The following PDE6D variants were observed in gnomAD, a reference collection of about 807,000 sequenced individuals.
PDE6D encodes phosphodiesterase 6D, also known as retinal rod rhodopsin-sensitive cGMP 3',5'-cyclic phosphodiesterase subunit delta.
Under a neutral mutation model 21.9 loss-of-function variants are expected in PDE6D, and 10 were observed. The observed-to-expected ratio is 0.46, with a 90% confidence interval of 0.28 to 0.78. The LOEUF (loss-of-function observed/expected upper bound fraction) is 0.78, where lower values mean the gene tolerates loss of function less well. Among genes scored for constraint, PDE6D ranks in the 30% least tolerant of loss-of-function variants. PDE6D has a pLI of 0.12. For missense variants in PDE6D, 139 were observed against 184.8 expected, an observed-to-expected ratio of 0.75 and a Z score of 1.44; for synonymous variants, 59 against 63.5, an observed-to-expected ratio of 0.93 and a Z score of 0.34.
chr2:231,759,888 C>T (rs1344002575), intron 1 of PDE6D, among the ~76,000 whole-genome samples: 2 of 152,260 alleles, frequency 1.3e-5, no homozygotes, highest in East Asian at 1.9e-4. Flanking sequence ...TCCAGGCAGG[C>T]TAGAGACATA....
intron 1 of PDE6D, among the ~76,000 whole-genome samples, chr2:231,756,749 A>G (rs1199519840): frequency 6.6e-6 from 1 of 150,854 alleles, no homozygotes; most frequent in Non-Finnish European, 1.5e-5. Context: ...CCTAAACCAA[A>G]GATTCAAAGA....
At position 231,756,134 on chromosome 2, in the gene PDE6D, C is replaced by A. The variant is rs143386914; in HGVS notation, c.51-16946G>T. Reference sequence around the variant, plus strand: ...TCTTTTCTTTTCATTGTAAAGAGACCATTAGCAAAATTACTCTCTTCCCCT... The same window carrying A: ...TCTTTTCTTTTCATTGTAAAGAGACAATTAGCAAAATTACTCTCTTCCCCT... On this transcript the variant is annotated intron_variant, in intron 1 of 4. Coordinates refer to ENST00000287600, the MANE Select transcript of PDE6D (RefSeq NM_002601.4). Among the ~76,000 whole-genome samples the A allele has an allele frequency of 4.6e-3, 696 of 151,948 alleles. 8 individuals are homozygous for A. Among genetic ancestry groups the A allele is most frequent in the Middle Eastern group, 0.044 (13 of 294 alleles).
intron 1 of PDE6D, among the ~76,000 whole-genome samples, chr2:231,742,365 C>T (rs897742936): frequency 6.6e-6 from 1 of 152,158 alleles, no homozygotes; most frequent in African/African-American, 2.4e-5. Context: ...TCAGGTGATC[C>T]GCTTGCCTTG....
At chr2:231,749,075 A>T (rs2048817114) in intron 1 of PDE6D, among the ~76,000 whole-genome samples, 1 of 152,156 alleles carries the variant, frequency 6.6e-6, no homozygotes, top group South Asian at 2.1e-4. Flanking sequence ...CTGCGAGAAG[A>T]GGTCCACTCT....
At chr2:231,765,586 G>A (rs1489359803) in intron 1 of PDE6D, among the ~76,000 whole-genome samples, 1 of 152,166 alleles carries the variant, frequency 6.6e-6, no homozygotes, top group African/African-American at 2.4e-5. Flanking sequence ...ATATGCTAAT[G>A]TCTACTATGG....
intron 3 of PDE6D, 78 bp downstream of exon 3, chr2:231,737,935 C>T (rs1220796513): frequency 1.5e-6 from 2 of 1,361,434 alleles, no homozygotes; most frequent in African/African-American, 1.5e-5. Flanking sequence ...CAAAGCACTG[C>T]TTTAGTTCAC....
At chr2:231,748,776 G>A (rs964170991) in intron 1 of PDE6D, among the ~76,000 whole-genome samples, 3 of 152,216 alleles carry the variant, frequency 2.0e-5, no homozygotes, top group South Asian at 2.1e-4. Flanking sequence ...TGCTCCAGCC[G>A]TGGCTAAAAG....
chr2:231,773,260 A>G (rs544934673), intron 1 of PDE6D, among the ~76,000 whole-genome samples: 2 of 152,316 alleles, frequency 1.3e-5, no homozygotes, highest in Admixed American at 6.5e-5. Flanking sequence ...AAGATAATCA[A>G]TAGGACATTA....
chr2:231,732,850 G>A lies in PDE6D; in HGVS notation c.*102C>T. 1 of 763,488 alleles carries A rather than the reference G, an allele frequency of 1.3e-6. No homozygotes were observed. The highest frequency in any genetic ancestry group is 2.3e-6 in the Non-Finnish European group (1 of 431,972). 47.3% of individuals were successfully genotyped at this position (763,488 alleles called of 1,614,324 possible). A position where few individuals can be genotyped will look rare whatever the true frequency, so the allele number is the denominator to read the frequency against. On this transcript the variant is annotated 3_prime_UTR_variant, in exon 5 of 5. Transcript: ENST00000287600. ...GTAGGTTCTGCTGTTGAGGGAATTA[G>A]GGGTGTATGTGTCAAAAATCAAACG...
intron 1 of PDE6D, among the ~76,000 whole-genome samples, chr2:231,740,223 G>T (rs1359264763): frequency 6.6e-6 from 1 of 152,054 alleles, no homozygotes; most frequent in Non-Finnish European, 1.5e-5. Flanking sequence ...TCTAGTTTCT[G>T]TATTGTTTCA....
At chr2:231,759,275 C>A (rs1212215558) in intron 1 of PDE6D, among the ~76,000 whole-genome samples, 1 of 152,054 alleles carries the variant, frequency 6.6e-6, no homozygotes, top group East Asian at 1.9e-4. Context: ...GTGTTCATGC[C>A]ATTGCACTCC....
At chr2:231,758,418 T>C (rs915932201) in intron 1 of PDE6D, among the ~76,000 whole-genome samples, 1 of 152,188 alleles carries the variant, frequency 6.6e-6, no homozygotes, top group African/African-American at 2.4e-5. Flanking sequence ...ATTACAGGCA[T>C]AAGCCACTGC....
chr2:231,761,151 G>A (rs1170559222), intron 1 of PDE6D, among the ~76,000 whole-genome samples: 1 of 151,948 alleles, frequency 6.6e-6, no homozygotes, highest in Non-Finnish European at 1.5e-5. Flanking sequence ...GATTGTATTG[G>A]CCCAACAATG....
chr2:231,763,283 T>C (rs967608916), intron 1 of PDE6D, among the ~76,000 whole-genome samples: 3 of 152,228 alleles, frequency 2.0e-5, no homozygotes, highest in South Asian at 2.1e-4. Flanking sequence ...GGTAGCATTA[T>C]TGCAGTCATC....
chr2:231,753,923 CT>C (rs2048862782), intron 1 of PDE6D, among the ~76,000 whole-genome samples: 1 of 152,228 alleles, frequency 6.6e-6, no homozygotes, highest in African/African-American at 2.4e-5. Flanking sequence ...TACACCCATT[CT>C]CATCCAGGCA....
chr2:231,734,689 A>T lies in PDE6D; in HGVS notation c.372-1656T>A, dbSNP rs1354860650. 5.3e-4 allele frequency among the ~76,000 whole-genome samples: 79 copies of T among 150,186 alleles called. No individual in the cohort carries two copies. In the South Asian group the frequency reaches 8.9e-3, roughly 17 times the overall value. On this transcript the variant is annotated intron_variant, in intron 4 of 4. Coordinates refer to ENST00000287600, the MANE Select transcript of PDE6D (RefSeq NM_002601.4). ...ACCCCGTCTGTACTAAAAATATAAA[A>T]AAAAAAAAATAGCCGGGCGTGGTGG...
At chr2:231,763,029 G>C (rs920927408) in intron 1 of PDE6D, among the ~76,000 whole-genome samples, 1 of 152,140 alleles carries the variant, frequency 6.6e-6, no homozygotes, top group Non-Finnish European at 1.5e-5. Flanking sequence ...CTGGTTCTAA[G>C]AGCAGTTGTT....
chr2:231,780,957 C>T, intron 1 of PDE6D, 108 bp downstream of exon 1: 4 of 1,006,014 alleles, frequency 4.0e-6, no homozygotes, highest in Non-Finnish European at 6.1e-6. Flanking sequence ...CTCCCGCGGC[C>T]CTTCTTCTGT....
At chr2:231,755,293 C>CT (rs1443131935) in intron 1 of PDE6D, among the ~76,000 whole-genome samples, 1 of 152,122 alleles carries the variant, frequency 6.6e-6, no homozygotes, top group Admixed American at 6.5e-5. Flanking sequence ...AATTACAGTG[C>CT]TTTTTTTCAT....
Sources: allele counts gnomAD v4.1 joint callset (sites outside exome capture counted in the v4.1 genomes callset), GRCh38; gene constraint gnomAD v4.1.1; transcripts MANE v1.5; gene names NCBI Gene and HGNC (gene_info 2026-07-23, HGNC 2026-07-21).